Variants in PCDHGA2 observed in about 807,000 individuals in gnomAD.
PCDHGA2 encodes the protein protocadherin gamma-A2.
PCDHGA2 carries 40 observed loss-of-function variants against 59.2 expected under a neutral mutation model. The observed-to-expected ratio is 0.68, with a 90% CI of 0.52 to 0.88. The LOEUF (loss-of-function observed/expected upper bound fraction) is 0.88, where lower values mean the gene tolerates loss of function less well. Ranked by LOEUF, PCDHGA2 falls within the 40% of genes least tolerant of loss-of-function variation. The pLI, the probability that PCDHGA2 is intolerant of heterozygous loss-of-function variation, is 0.00. For missense variants in PCDHGA2, 1,226 were observed against 1,204.0 expected (o/e 1.02, Z -0.27); for synonymous variants, 560 against 526.0 (o/e 1.06, Z -0.89).
At chr5:141,378,368 C>A (rs1774846187) in intron 1 of PCDHGA2, 1 of 152,194 alleles carries the variant, frequency 6.6e-6, no homozygotes, top group Non-Finnish European at 1.5e-5. Context: ...ACTAAAAATA[C>A]AAAAATTAGC....
At chr5:141,394,885 T>C (rs769027830) in intron 1 of PCDHGA2, 1 of 1,613,758 alleles carries the variant, frequency 6.2e-7, no homozygotes. Context: ...AGCCTTACAC[T>C]CTATCTCGTG....
rs534845593 is a variant in PCDHGA2, at chr5:141,478,216, G to A, written c.2425-16591G>A. On this transcript the variant is annotated intron_variant, in intron 1 of 3. Coordinates refer to ENST00000394576, the MANE Select transcript of PCDHGA2 (RefSeq NM_018915.4). ...TTTATCTACTTCTTTCTCTAATCCTGGTTTCTGTGGGGTTTGTGGTCACAG... is the reference window on the plus strand; with the variant it reads ...TTTATCTACTTCTTTCTCTAATCCTAGTTTCTGTGGGGTTTGTGGTCACAG... 414 of 1,614,090 alleles carry A rather than the reference G, an allele frequency of 2.6e-4. 9 individuals carry two copies. In the South Asian group the frequency reaches 4.4e-3, roughly 17 times the overall value.
At chr5:141,409,235 C>A (rs1471024804) in intron 1 of PCDHGA2, 1 of 1,613,832 alleles carries the variant, frequency 6.2e-7, no homozygotes, top group East Asian at 2.2e-5. Context: ...CGACAACAGC[C>A]CAGAAATAAT....
In PCDHGA2 at chr5:141,432,611, T is replaced by G. The variant is rs141541670; in HGVS notation, c.2425-62196T>G. The G allele has an allele frequency of 4.2e-4, 676 of 1,613,808 alleles. 1 individual carries two copies. The African/African-American group carries it at 5.6e-3, about 13-fold the overall frequency. On this transcript the variant is annotated intron_variant, in intron 1 of 3. Coordinates refer to ENST00000394576, the MANE Select transcript of PCDHGA2 (RefSeq NM_018915.4). This position sits in a 1 kb window ranked among gnomAD's most constrained non-coding sequence, Gnocchi z 6.0. ...CAAGGCCAGCGAGCCGGGACTCTTC[T>G]CGGTGGGTCTGCACACGGGCGAGGT...
chr5:141,458,292 T>C (rs2098941901), intron 1 of PCDHGA2, among the ~76,000 whole-genome samples: 1 of 152,146 alleles, frequency 6.6e-6, no homozygotes, highest in Admixed American at 6.5e-5. Flanking sequence ...GTCCTCATGC[T>C]GGTTTAGATA....
In PCDHGA2 at chr5:141,400,505, C is replaced by T. The variant is rs759107285; in HGVS notation, c.2424+59110C>T. The stretch of plus-strand genomic sequence containing the variant: ...TTTCCACTTTGTAATTCCAGCGAGT[C>T]GACTTCCCATCCTGAGTTGGTGAGT... On this transcript the variant is annotated intron_variant, in intron 1 of 3. Transcript: ENST00000394576. 9 of 1,613,816 alleles carry T rather than the reference C, an allele frequency of 5.6e-6. No homozygotes were observed. In the African/African-American group the frequency reaches 6.7e-5, roughly 12 times the overall value.
rs562156266 is a variant in PCDHGA2, at chr5:141,467,826, T to C, written c.2425-26981T>C. On this transcript the variant is annotated intron_variant, in intron 1 of 3. Transcript: ENST00000394576. ...GGCACATGCCACCACACCAGGCTGA[T>C]TTTTATATTTTTTTGTAGAATGAGA... Among the ~76,000 whole-genome samples, 96 of 151,894 alleles carry C rather than the reference T, an allele frequency of 6.3e-4. 3 individuals carry two copies. Among genetic ancestry groups the C allele is most frequent in the Admixed American group, 6.2e-3 (95 of 15,236 alleles).
chr5:141,494,677 TGCCCCCTCTTA>T, intron 1 of PCDHGA2, 119 bp from the exon 2 acceptor site: 5 of 1,552,906 alleles, frequency 3.2e-6, no homozygotes, highest in Non-Finnish European at 4.4e-6. Flanking sequence ...AGTCCACCCC[TGCCCCCTCTTA>T]GTCCGTTTTC....
intron 1 of PCDHGA2, among the ~76,000 whole-genome samples, chr5:141,446,430 T>A (rs1468987045): frequency 6.6e-6 from 1 of 152,058 alleles, no homozygotes; most frequent in Non-Finnish European, 1.5e-5. Flanking sequence ...ATTTGAAGGA[T>A]CTGAGAAACA....
chr5:141,433,359 C>CTATCTATCTATA, intron 1 of PCDHGA2: 1 of 228,708 alleles, frequency 4.4e-6, no homozygotes, highest in South Asian at 4.1e-5. Context: ...TACTGTCTGC[C>CTATCTATCTATA]TATCTATCTA....
Position 141,491,834 on chromosome 5 carries a change from CG to C in PCDHGA2, c.2425-2970del. On this transcript the variant is annotated intron_variant, in intron 1 of 3. Transcript: ENST00000394576. This position sits in a 1 kb window ranked among gnomAD's most constrained non-coding sequence, Gnocchi z 6.9. ...CGCTGGCTGCGCTCCACCCGATTCT[CG>C]GGATCATTGGACCGTTTGCGCGAAA... 1 of 1,473,830 alleles carries C rather than the reference CG, an allele frequency of 6.8e-7. No homozygotes were observed. Among genetic ancestry groups the C allele is most frequent in the Middle Eastern group, 1.8e-4 (1 of 5,590 alleles). The allele number at this position is 1,473,830 out of a possible 1,614,324, so 91.3% of individuals were successfully genotyped here.
intron 1 of PCDHGA2, chr5:141,366,279 G>T: frequency 6.2e-7 from 1 of 1,613,692 alleles, no homozygotes; most frequent in Non-Finnish European, 8.5e-7. Context: ...GAAGACCATG[G>T]CCAGCCCCCT....
rs1275109387 is a variant in PCDHGA2 at position 141,431,924 on chromosome 5, A to G, written c.2425-62883A>G. The G allele has an allele frequency of 1.1e-5, 17 of 1,614,050 alleles. No homozygotes were observed. Among genetic ancestry groups the G allele is most frequent in the Non-Finnish European group, 1.4e-5 (17 of 1,179,982 alleles). On this transcript the variant is annotated intron_variant, in intron 1 of 3. Coordinates refer to ENST00000394576, the MANE Select transcript of PCDHGA2 (RefSeq NM_018915.4). The surrounding 1 kb of genome is among the most constrained non-coding windows in gnomAD (Gnocchi z 4.8). ...ACAGGTGATCTGTTTCATCCAAGGA[A>G]ATCTGCCCTTTAAATTAGAAAAATC... is the stretch of plus-strand genomic sequence containing the variant.
rs753353256 is a variant in PCDHGA2 at position 141,344,925 on chromosome 5, A to G, written c.2424+3530A>G. ...TGAGATTTTCCATCTTAACTCAGTGAGTGGAGAAGTATCAATATTAAAAAG... is the reference window on the plus strand; with the variant it reads ...TGAGATTTTCCATCTTAACTCAGTGGGTGGAGAAGTATCAATATTAAAAAG... On this transcript the variant is annotated intron_variant, in intron 1 of 3. Transcript: ENST00000394576. The G allele has an allele frequency of 9.9e-6, 16 of 1,613,834 alleles. No homozygotes were observed. In the Admixed American group the frequency reaches 2.3e-4, roughly 24 times the overall value.
At chr5:141,414,738 C>T in intron 1 of PCDHGA2, 1 of 1,614,238 alleles carries the variant, frequency 6.2e-7, no homozygotes, top group Non-Finnish European at 8.5e-7. Context: ...TGTATGCACT[C>T]AGATCCTTCG....
chr5:141,350,806 T>C, intron 1 of PCDHGA2: 1 of 1,613,990 alleles, frequency 6.2e-7, no homozygotes, highest in Non-Finnish European at 8.5e-7. Flanking sequence ...CGAAGGAAAG[T>C]CCTGATGGAA....
intron 1 of PCDHGA2, chr5:141,376,742 A>C (rs1191231453): frequency 2.1e-6 from 1 of 487,580 alleles, no homozygotes; most frequent in Non-Finnish European, 3.5e-6. Flanking sequence ...TGCGGACTGC[A>C]GTGGCGCAAT....
chr5:141,374,826 G>A (rs768485677), intron 1 of PCDHGA2: 141 of 1,613,770 alleles, frequency 8.7e-5, no homozygotes, highest in Non-Finnish European at 1.1e-4. Context: ...CCTGTCTACC[G>A]TGTAAGTGTT....
chr5:141,354,163 CACTAA>C (rs1183313451), intron 1 of PCDHGA2, among the ~76,000 whole-genome samples: 4 of 152,148 alleles, frequency 2.6e-5, no homozygotes, highest in Non-Finnish European at 5.9e-5. Flanking sequence ...GTGAAAAAAT[CACTAA>C]ACTATTATCT....
Sources: gnomAD v4.1 joint callset for allele counts (sites outside exome capture counted in the v4.1 genomes callset) on GRCh38, gnomAD v4.1.1 for gene constraint, Gnocchi (gnomAD v3.1) non-coding constraint, MANE v1.5 for transcripts, NCBI Gene and HGNC (gene_info 2026-07-23, HGNC 2026-07-21) for gene names.